LPIN2: variants seen among roughly 807,000 people sequenced by gnomAD.
The protein encoded by LPIN2 is lipin 2, also known as phosphatidate phosphatase LPIN2.
A neutral mutation model predicts 111.4 loss-of-function variants in LPIN2; 55 were observed. That is an observed-to-expected ratio of 0.49 (90% CI 0.40 to 0.62). The LOEUF (loss-of-function observed/expected upper bound fraction) is 0.62, where lower values mean the gene tolerates loss of function less well. LPIN2 is among the 20% of genes least tolerant of loss of function. LPIN2 has a pLI of 0.00. For missense variants in LPIN2, 992 were observed against 1,112.1 expected, an observed-to-expected ratio of 0.89 and a Z score of 1.54; for synonymous variants, 425 against 414.0, an observed-to-expected ratio of 1.03 and a Z score of -0.32.
At chr18:3,008,898 T>TTG (rs2078558891) in intron 1 of LPIN2, among the ~76,000 whole-genome samples, 2 of 150,202 alleles carry the variant, frequency 1.3e-5, no homozygotes, top group Admixed American at 1.3e-4. Context: ...TTTTTTTTTT[T>TTG]GGAGAGACAG....
intron 6 of LPIN2, 129 bp downstream of exon 6, chr18:2,939,351 G>T: frequency 1.8e-6 from 2 of 1,085,178 alleles, no homozygotes; most frequent in Non-Finnish European, 2.8e-6. Flanking sequence ...TTACTTTTAT[G>T]ACATGAGGGC....
At chr18:2,944,833 C>T (rs2077425311) in intron 4 of LPIN2, among the ~76,000 whole-genome samples, 1 of 152,080 alleles carries the variant, frequency 6.6e-6, no homozygotes. Flanking sequence ...AAGATTATTG[C>T]TTAGTCTTAT....
chr18:2,971,262 G>A (rs1213814195), intron 1 of LPIN2, among the ~76,000 whole-genome samples: 2 of 152,204 alleles, frequency 1.3e-5, no homozygotes, highest in African/African-American at 4.8e-5. Flanking sequence ...TGGGTAAGGA[G>A]GAAGTGGGAT....
At chr18:2,924,298 G>T in intron 15 of LPIN2, 100 bp downstream of exon 15, 1 of 1,479,796 alleles carries the variant, frequency 6.8e-7, no homozygotes, top group Non-Finnish European at 9.4e-7. Flanking sequence ...CCTTGGCTGA[G>T]GGCTTCGAGC....
At chr18:2,929,872 T>G (rs1302028846) in intron 9 of LPIN2, among the ~76,000 whole-genome samples, 4 of 152,168 alleles carry the variant, frequency 2.6e-5, no homozygotes, top group Non-Finnish European at 1.5e-5. Flanking sequence ...ATGGTGCCAC[T>G]GCACTCCAGC....
chr18:3,001,110 G>C (rs2078429645), intron 1 of LPIN2, among the ~76,000 whole-genome samples: 1 of 152,142 alleles, frequency 6.6e-6, no homozygotes, highest in Non-Finnish European at 1.5e-5. Context: ...CAGTTGGGTA[G>C]GAGGCTCAAA....
intron 1 of LPIN2, among the ~76,000 whole-genome samples, chr18:3,012,247 G>C (rs910004687): frequency 1.3e-5 from 2 of 152,158 alleles, no homozygotes; most frequent in Non-Finnish European, 2.9e-5. Context: ...TTACTAAGTA[G>C]TCCTTCAAAG....
In LPIN2 at chr18:2,919,558, T is replaced by C. The variant is rs1047042131; in HGVS notation, c.*735A>G. On this transcript the variant is annotated 3_prime_UTR_variant, in exon 20 of 20. Coordinates refer to ENST00000677752, the MANE Select transcript of LPIN2 (RefSeq NM_001375808.2). ...TGTTTTAAGACCCACCTTCCCACTT[T>C]TATTACAGACATCAAATATATACTT... The C allele has an allele frequency of 3.3e-5, 5 of 152,644 alleles. No homozygotes were observed. Among genetic ancestry groups the C allele is most frequent in the African/African-American group, 1.2e-4 (5 of 41,552 alleles). The allele number at this position is 152,644 out of a possible 1,614,324, so 9.5% of individuals were successfully genotyped here.
intron 2 of LPIN2, among the ~76,000 whole-genome samples, chr18:2,957,005 T>A (rs1485454952): frequency 3.3e-5 from 5 of 152,230 alleles, no homozygotes; most frequent in Non-Finnish European, 1.5e-5. Context: ...ACGTGATTAT[T>A]TTAAAAAGGA....
Position 2,964,364 on chromosome 18 carries a change from ACCAAATTCATATATTGAAGCCCTGACG to A in LPIN2, c.-9-3542_-9-3516del, listed in dbSNP as rs567790281. Among the ~76,000 whole-genome samples the A allele has an allele frequency of 6.5e-3, 971 of 149,238 alleles. 13 individuals carry two copies. Among genetic ancestry groups the A allele is most frequent in the African/African-American group, 0.022 (906 of 40,700 alleles). ...TGACCTCCCTCTGTCCCCCACCACC[ACCAAATTCATATATTGAAGCCCTGACG>A]CCCAATGTGATGGTATTTGGAGACA... On this transcript the variant is annotated intron_variant, in intron 1 of 19. Coordinates refer to ENST00000677752, the MANE Select transcript of LPIN2 (RefSeq NM_001375808.2).
Position 2,925,762 on chromosome 18 carries a change from T to C in LPIN2, c.1794-394A>G, listed in dbSNP as rs957086270. On this transcript the variant is annotated intron_variant, in intron 13 of 19. Transcript: ENST00000677752. The surrounding 1 kb of genome is among the most constrained non-coding windows in gnomAD (Gnocchi z 4.1). ...GCCTCACACCTGTAATCCCAACACTTTGGGAGGCCGAGTTAGGAGGACACC... is the reference window on the plus strand; with the variant it reads ...GCCTCACACCTGTAATCCCAACACTCTGGGAGGCCGAGTTAGGAGGACACC... Among the ~76,000 whole-genome samples the C allele has an allele frequency of 2.0e-5, 3 of 152,200 alleles. No homozygotes were observed. The highest frequency in any genetic ancestry group is 6.5e-5 in the Admixed American group (1 of 15,288).
chr18:2,938,173 A>G, intron 6 of LPIN2, 136 bp from the exon 7 acceptor site: 1 of 697,114 alleles, frequency 1.4e-6, no homozygotes, highest in Non-Finnish European at 2.5e-6. Context: ...ACATGTAAAA[A>G]TTCCATAATA....
intron 1 of LPIN2, among the ~76,000 whole-genome samples, chr18:2,989,740 G>A (rs3016593): frequency 0.48 from 73,231 of 151,744 alleles, 19,740 homozygotes; most frequent in Non-Finnish European, 0.61. Context: ...GGCCAACACA[G>A]TGAAACCCCG....
chr18:2,998,828 T>C (rs2078385101), intron 1 of LPIN2, among the ~76,000 whole-genome samples: 1 of 152,208 alleles, frequency 6.6e-6, no homozygotes, highest in Admixed American at 6.5e-5. Context: ...TACTTTCTCA[T>C]AAGACACTAC....
At chr18:2,923,752 G>T in intron 16 of LPIN2, 23 bp downstream of exon 16, 1 of 1,599,366 alleles carries the variant, frequency 6.3e-7, no homozygotes, top group Non-Finnish European at 8.6e-7. Flanking sequence ...ACCAGAGCGA[G>T]TTAACGTGGG....
intron 1 of LPIN2, among the ~76,000 whole-genome samples, chr18:3,003,561 T>G (rs1040473734): frequency 3.3e-5 from 5 of 152,250 alleles, no homozygotes; most frequent in African/African-American, 1.2e-4. Flanking sequence ...AGCCTGTCTT[T>G]ACTGCAGTCT....
Position 2,996,467 on chromosome 18 carries a change from C to CT in LPIN2, c.-10+16619dup, listed in dbSNP as rs1179106649. Among the ~76,000 whole-genome samples the CT allele has an allele frequency of 2.1e-3, 175 of 84,992 alleles. 16 individuals are homozygous for CT. The highest frequency in any genetic ancestry group is 6.4e-3 in the African/African-American group (142 of 22,190). 55.8% of individuals were successfully genotyped at this position (84,992 alleles called of 152,430 possible). ...ACATGCTTACCTCCCAGGAAAATAT[C>CT]TTTTTTTTTTTTTTTTTTTTTTTTT... On this transcript the variant is annotated intron_variant, in intron 1 of 19. Transcript: ENST00000677752.
At chr18:3,011,045 C>A (rs752588360) in intron 1 of LPIN2, among the ~76,000 whole-genome samples, 2 of 152,072 alleles carry the variant, frequency 1.3e-5, no homozygotes, top group African/African-American at 2.4e-5. Context: ...GAATCGCATC[C>A]CAAAGCCGGC....
Position 2,923,063 on chromosome 18 carries a change from AAG to A in LPIN2, c.2174+710_2174+711del, listed in dbSNP as rs572510079. The stretch of plus-strand genomic sequence containing the variant: ...CTATCTTCCCCTCAAAGGGTGCCCC[AAG>A]AGAGAGCAGCCCATGCAAGAACTAT... On this transcript the variant is annotated intron_variant, in intron 16 of 19. Coordinates refer to ENST00000677752, the MANE Select transcript of LPIN2 (RefSeq NM_001375808.2). 2.0e-3 allele frequency among the ~76,000 whole-genome samples: 311 copies of A among 152,302 alleles called. 1 individual carries two copies. Among genetic ancestry groups the A allele is most frequent in the African/African-American group, 7.2e-3 (300 of 41,562 alleles).
Sources: allele counts gnomAD v4.1 joint callset (sites outside exome capture counted in the v4.1 genomes callset), GRCh38; gene constraint gnomAD v4.1.1; non-coding constraint Gnocchi (gnomAD v3.1); transcripts MANE v1.5; gene names NCBI Gene and HGNC (gene_info 2026-07-23, HGNC 2026-07-21).